Variants in NOL10 observed in about 807,000 individuals in gnomAD.
NOL10 encodes the protein H_NH0074G24.1.
NOL10 carries 58 observed loss-of-function variants against 103.5 expected under a neutral mutation model. The observed-to-expected ratio is 0.56, with a 90% CI of 0.45 to 0.70. NOL10 has a LOEUF of 0.70. Ranked by LOEUF, NOL10 falls within the 30% of genes least tolerant of loss-of-function variation. The pLI is 0.00. For synonymous variants in NOL10, 287 were observed against 282.5 expected (o/e 1.02, Z -0.16); for missense variants, 763 against 807.3 (o/e 0.95, Z 0.67).
chr2:10,666,703 TA>T (rs56015136), intron 8 of NOL10, among the ~76,000 whole-genome samples: 146,136 of 148,132 alleles, frequency 0.99, 72,094 homozygotes, highest in East Asian at 1. Flanking sequence ...CTGTTATGTC[TA>T]AAAAAAAAAA....
At chr2:10,593,009 T>C (rs776344832) in intron 17 of NOL10, among the ~76,000 whole-genome samples, 10 of 152,266 alleles carry the variant, frequency 6.6e-5, no homozygotes, top group Non-Finnish European at 1.5e-4. Flanking sequence ...ATTAAAGTAC[T>C]ATTCATACCA....
chr2:10,665,737 T>C (rs1680524856), intron 8 of NOL10, among the ~76,000 whole-genome samples: 1 of 152,220 alleles, frequency 6.6e-6, no homozygotes, highest in Non-Finnish European at 1.5e-5. Context: ...CTTGTAAAAC[T>C]TCCCCTTGGT....
chr2:10,650,207 A>G (rs948160221), intron 12 of NOL10, among the ~76,000 whole-genome samples: 28 of 152,202 alleles, frequency 1.8e-4, no homozygotes, highest in Non-Finnish European at 3.7e-4. Flanking sequence ...CCCAGGCAAG[A>G]GTACAGTTAG....
chr2:10,626,686 G>C (rs1677489206), intron 13 of NOL10, among the ~76,000 whole-genome samples: 1 of 152,052 alleles, frequency 6.6e-6, no homozygotes, highest in Non-Finnish European at 1.5e-5. Flanking sequence ...TAAGCACCAA[G>C]ATGGAGGAAA....
At chr2:10,658,475 GC>G (rs1187289645) in intron 10 of NOL10, among the ~76,000 whole-genome samples, 2 of 152,122 alleles carry the variant, frequency 1.3e-5, no homozygotes, top group South Asian at 2.1e-4. Context: ...TACAGGCTCT[GC>G]CTTGAAGGAA....
chr2:10,655,086 T>A (rs1276597109), intron 11 of NOL10, among the ~76,000 whole-genome samples: 1 of 151,746 alleles, frequency 6.6e-6, no homozygotes, highest in East Asian at 1.9e-4. Context: ...GGCCTGCAAC[T>A]GTAATCCCAG....
At chr2:10,659,679 C>T (rs1488847314) in intron 9 of NOL10, among the ~76,000 whole-genome samples, 3 of 152,096 alleles carry the variant, frequency 2.0e-5, no homozygotes, top group Non-Finnish European at 4.4e-5. Flanking sequence ...GACAACAGAG[C>T]AAGACCCTGT....
In NOL10 at chr2:10,654,465, A is replaced by G. The variant is rs1475159184; in HGVS notation, c.973+16T>C. On this transcript the variant is annotated intron_variant, in intron 12 of 20. Transcript: ENST00000381685. ...TTTTTATTTGTCTCACTGAACGTTCACTACAGAATGCATACCTGAGTTGGG... is the reference window on the plus strand; with the variant it reads ...TTTTTATTTGTCTCACTGAACGTTCGCTACAGAATGCATACCTGAGTTGGG... 2 of 1,539,236 alleles carry G rather than the reference A, an allele frequency of 1.3e-6. No individual in the cohort carries two copies. Among genetic ancestry groups the G allele is most frequent in the African/African-American group, 1.4e-5 (1 of 72,214 alleles).
chr2:10,591,418 G>A (rs1197359520), intron 17 of NOL10, among the ~76,000 whole-genome samples: 3 of 152,092 alleles, frequency 2.0e-5, no homozygotes, highest in African/African-American at 7.2e-5. Flanking sequence ...AGATGAGTAG[G>A]TTTCAACAAG....
Position 10,573,448 on chromosome 2 carries a change from T to C in NOL10, c.1948-1258A>G, listed in dbSNP as rs564752890. 2.6e-5 allele frequency among the ~76,000 whole-genome samples: 4 copies of C among 152,284 alleles called. No homozygotes were observed. The South Asian group carries it at 8.3e-4, about 32-fold the overall frequency. On this transcript the variant is annotated intron_variant, in intron 20 of 20. Transcript: ENST00000381685. ...ACTTTGTGATCCACCCACCTTGGCC[T>C]CCTAAAGTGCTGGGATTACAGGCGT... is the stretch of plus-strand genomic sequence containing the variant.
At chr2:10,683,748 C>T (rs923036167) in intron 2 of NOL10, among the ~76,000 whole-genome samples, 11 of 152,310 alleles carry the variant, frequency 7.2e-5, no homozygotes, top group Admixed American at 3.3e-4. Flanking sequence ...TGCCAAGCAT[C>T]CACCTGGACT....
intron 8 of NOL10, among the ~76,000 whole-genome samples, chr2:10,663,759 C>T (rs1038301486): frequency 1.3e-5 from 2 of 151,932 alleles, no homozygotes; most frequent in African/African-American, 4.8e-5. Flanking sequence ...ACCATCCTGG[C>T]TAACACAGTG....
chr2:10,614,550 T>C (rs1676737843), intron 13 of NOL10, among the ~76,000 whole-genome samples: 1 of 152,166 alleles, frequency 6.6e-6, no homozygotes. Context: ...TATTAACATC[T>C]CTGCAGCAAA....
At position 10,677,882 on chromosome 2, in the gene NOL10, T is replaced by C. The variant is rs114795762; in HGVS notation, c.212-2011A>G. Among the ~76,000 whole-genome samples, 786 of 151,262 alleles carry C rather than the reference T, an allele frequency of 5.2e-3. 9 individuals carry two copies. Among genetic ancestry groups the C allele is most frequent in the Non-Finnish European group, 9.2e-3 (625 of 67,738 alleles). On this transcript the variant is annotated intron_variant, in intron 3 of 20. Coordinates refer to ENST00000381685, the MANE Select transcript of NOL10 (RefSeq NM_024894.4). ...GTGTGTGTGTGTGTGTATACACATA[T>C]ATATGCGTGTGTATATATGTGTGTG...
chr2:10,659,304 G>A, intron 9 of NOL10, 54 bp from the exon 10 acceptor site: 1 of 640,510 alleles, frequency 1.6e-6, no homozygotes, highest in South Asian at 1.5e-5. Flanking sequence ...CTCCTTCCAA[G>A]TAACAAGTTC....
At chr2:10,587,598 G>A (rs1227015508) in intron 19 of NOL10, among the ~76,000 whole-genome samples, 1 of 151,624 alleles carries the variant, frequency 6.6e-6, no homozygotes, top group Non-Finnish European at 1.5e-5. Flanking sequence ...CTTTGCAGGG[G>A]GTTGGCACTC....
At chr2:10,616,298 G>A (rs1338702821) in intron 13 of NOL10, among the ~76,000 whole-genome samples, 3 of 139,198 alleles carry the variant, frequency 2.2e-5, no homozygotes, top group East Asian at 2.2e-4. Flanking sequence ...GTGCGATCTC[G>A]GCTCACTGCA....
In NOL10 at chr2:10,689,894, C is replaced by T; in HGVS notation, c.-33G>A. The stretch of plus-strand genomic sequence containing the variant: ...CACAACACTGTTCAAGTCCCGGGTC[C>T]TTTCCCACCAGCGTGCTCGAGCACC... On this transcript the variant is annotated 5_prime_UTR_variant, in exon 1 of 21. Transcript: ENST00000381685. 6.3e-7 allele frequency: 1 copy of T among 1,583,726 alleles called. No homozygotes were observed. The highest frequency in any genetic ancestry group is 8.6e-7 in the Non-Finnish European group (1 of 1,164,164).
intron 5 of NOL10, chr2:10,673,257 A>G: frequency 3.4e-6 from 1 of 296,510 alleles, no homozygotes; most frequent in Non-Finnish European, 6.3e-6. Context: ...GCCAATTCTT[A>G]AAAATACAAA....
Sources: gnomAD v4.1 joint callset for allele counts (sites outside exome capture counted in the v4.1 genomes callset) on GRCh38, gnomAD v4.1.1 for gene constraint, MANE v1.5 for transcripts, NCBI Gene and HGNC (gene_info 2026-07-23, HGNC 2026-07-21) for gene names.